The following CAMTA1 variants were observed in gnomAD, a reference collection of about 807,000 sequenced individuals.
CAMTA1 encodes calmodulin binding transcription activator 1, also known as calmodulin-binding transcription activator 1.
A neutral mutation model predicts 170.9 loss-of-function variants in CAMTA1; 27 were observed. That is an observed-to-expected ratio of 0.16 (90% CI 0.12 to 0.22). CAMTA1 has a LOEUF of 0.22. Ranked by LOEUF, CAMTA1 falls within the 10% of genes least tolerant of loss-of-function variation. CAMTA1 has a pLI of 1.00. For synonymous variants in CAMTA1, 833 were observed against 891.5 expected, an observed-to-expected ratio of 0.93 and a Z score of 1.17; for missense variants, 1,619 against 2,217.2, an observed-to-expected ratio of 0.73 and a Z score of 5.42.
chr1:6,841,936 C>T (rs764655941), intron 3 of CAMTA1, among the ~76,000 whole-genome samples: 6 of 152,172 alleles, frequency 3.9e-5, no homozygotes, highest in Non-Finnish European at 7.3e-5. Context: ...GCTGTCATTC[C>T]ACGGGTGGTG....
chr1:7,628,121 A>G (rs1220135350), intron 6 of CAMTA1, among the ~76,000 whole-genome samples: 9 of 152,220 alleles, frequency 5.9e-5, no homozygotes, highest in Admixed American at 5.9e-4. Context: ...CATCAGTTGC[A>G]TCGAGGCTTT....
chr1:6,947,527 CGT>C (rs1553194862), intron 3 of CAMTA1, among the ~76,000 whole-genome samples: 1 of 150,302 alleles, frequency 6.7e-6, no homozygotes, highest in Non-Finnish European at 1.5e-5. Flanking sequence ...ATTACAGGCG[CGT>C]GTCACCATGC....
intron 3 of CAMTA1, among the ~76,000 whole-genome samples, chr1:6,944,569 C>G (rs1247319035): frequency 6.6e-6 from 1 of 152,156 alleles, no homozygotes; most frequent in African/African-American, 2.4e-5. Context: ...ACACCCTTCC[C>G]CAGGCGGTCC....
At chr1:7,245,613 T>A (rs931809522) in intron 4 of CAMTA1, among the ~76,000 whole-genome samples, 10 of 152,276 alleles carry the variant, frequency 6.6e-5, no homozygotes, top group Middle Eastern at 6.8e-3. Context: ...TCGCTATTAG[T>A]CTCTTAGATA....
At chr1:7,103,567 A>G (rs1257342252) in intron 4 of CAMTA1, among the ~76,000 whole-genome samples, 12 of 56,080 alleles carry the variant, frequency 2.1e-4, no homozygotes, top group African/African-American at 6.7e-4. Flanking sequence ...ACATACACAC[A>G]ACACAACTAC....
intron 4 of CAMTA1, among the ~76,000 whole-genome samples, chr1:7,139,788 T>C (rs1035428402): frequency 6.6e-6 from 1 of 152,164 alleles, no homozygotes; most frequent in Non-Finnish European, 1.5e-5. Flanking sequence ...TGAGCTTCTC[T>C]TCTGTTTTCT....
At chr1:6,814,622 C>T (rs962074952) in intron 1 of CAMTA1, among the ~76,000 whole-genome samples, 1 of 152,158 alleles carries the variant, frequency 6.6e-6, no homozygotes, top group African/African-American at 2.4e-5. Flanking sequence ...AGCCATTATA[C>T]AGTTAGCCTC....
chr1:7,348,998 G>C (rs2149867973), intron 5 of CAMTA1, among the ~76,000 whole-genome samples: 1 of 152,286 alleles, frequency 6.6e-6, no homozygotes, highest in East Asian at 1.9e-4. Context: ...CTCAGCCACA[G>C]TGAATCATTT....
At chr1:7,130,061 C>A (rs535254803) in intron 4 of CAMTA1, among the ~76,000 whole-genome samples, 1 of 152,182 alleles carries the variant, frequency 6.6e-6, no homozygotes, top group South Asian at 2.1e-4. Context: ...CTCAGCCCCC[C>A]AAGTAGCTGG....
At chr1:6,960,960 G>A (rs1164094029) in intron 3 of CAMTA1, among the ~76,000 whole-genome samples, 1 of 152,254 alleles carries the variant, frequency 6.6e-6, no homozygotes, top group Non-Finnish European at 1.5e-5. Context: ...GGCTCAGAGA[G>A]GTTGTGTAAC....
rs537964081 is a variant in CAMTA1 at position 7,051,055 on chromosome 1, G to C, written c.235-40249G>C. Among the ~76,000 whole-genome samples, 536 of 152,286 alleles carry C rather than the reference G, an allele frequency of 3.5e-3. 1 individual carries two copies. Among genetic ancestry groups the C allele is most frequent in the Non-Finnish European group, 5.6e-3 (381 of 68,008 alleles). ...AAGTCAGCCCCTTTATGTTTTGGTCGTGATTGGTGAGGCGCTGCGGCAAGG... is the reference window on the plus strand; with the variant it reads ...AAGTCAGCCCCTTTATGTTTTGGTCCTGATTGGTGAGGCGCTGCGGCAAGG... On this transcript the variant is annotated intron_variant, in intron 3 of 22. Coordinates refer to ENST00000303635, the MANE Select transcript of CAMTA1 (RefSeq NM_015215.4).
chr1:7,209,058 T>C (rs1459774336), intron 4 of CAMTA1, among the ~76,000 whole-genome samples: 3 of 151,960 alleles, frequency 2.0e-5, no homozygotes, highest in Admixed American at 2.0e-4. Context: ...CCACCCTTTC[T>C]CCTATGTGAT....
chr1:7,126,849 C>A (rs1644961520), intron 4 of CAMTA1, among the ~76,000 whole-genome samples: 1 of 152,164 alleles, frequency 6.6e-6, no homozygotes, highest in South Asian at 2.1e-4. Flanking sequence ...CGGCTCACTG[C>A]AAGCTCTGCC....
chr1:6,993,885 G>A (rs865959055), intron 3 of CAMTA1, among the ~76,000 whole-genome samples: 3 of 151,916 alleles, frequency 2.0e-5, no homozygotes, highest in South Asian at 2.1e-4. Flanking sequence ...CTACCATGTC[G>A]ACATATATTT....
intron 22 of CAMTA1, among the ~76,000 whole-genome samples, chr1:7,758,422 G>C (rs1207897324): frequency 6.6e-6 from 1 of 152,184 alleles, no homozygotes; most frequent in Non-Finnish European, 1.5e-5. Context: ...GGGCTGAGAA[G>C]GTTCCTTCTA....
At chr1:6,855,464 A>G (rs1041017201) in intron 3 of CAMTA1, among the ~76,000 whole-genome samples, 11 of 150,446 alleles carry the variant, frequency 7.3e-5, no homozygotes, top group East Asian at 3.9e-4. Flanking sequence ...GAGCAGGAGC[A>G]AGAGAGAGAG....
At chr1:6,825,258 T>G (rs1646975593) in intron 3 of CAMTA1, 48 bp downstream of exon 3, 3 of 997,206 alleles carry the variant, frequency 3.0e-6, no homozygotes, top group South Asian at 3.0e-5. Flanking sequence ...AAGGGCAAAT[T>G]TTTTAGGTTG....
At chr1:7,457,059 C>CCGTGCCCCTCACCCGCCCCCTGCGCCAA (rs1329206827) in intron 5 of CAMTA1, among the ~76,000 whole-genome samples, 1 of 88,248 alleles carries the variant, frequency 1.1e-5, no homozygotes, top group Non-Finnish European at 2.3e-5. Context: ...CCCTGCGCCG[C>CCGTGCCCCTCACCCGCCCCCTGCGCCAA]CGTGCCCCTC....
intron 4 of CAMTA1, among the ~76,000 whole-genome samples, chr1:7,219,891 A>G (rs955270387): frequency 6.6e-6 from 1 of 152,196 alleles, no homozygotes; most frequent in Admixed American, 6.5e-5. Flanking sequence ...AGAAAAAAGA[A>G]GAGGAAGATA....
Sources: allele counts gnomAD v4.1 joint callset (sites outside exome capture counted in the v4.1 genomes callset), GRCh38; gene constraint gnomAD v4.1.1; transcripts MANE v1.5; gene names NCBI Gene and HGNC (gene_info 2026-07-23, HGNC 2026-07-21).